The following STK32A variants were observed in gnomAD, a reference collection of about 807,000 sequenced individuals.
STK32A encodes the protein serine/threonine kinase 32A.
A neutral mutation model predicts 53.2 loss-of-function variants in STK32A; 41 were observed. That is an observed-to-expected ratio of 0.77 (90% CI 0.60 to 1.00). The LOEUF (loss-of-function observed/expected upper bound fraction) is 1.00, where lower values mean the gene tolerates loss of function less well. Among genes scored for constraint, STK32A ranks in the 50% least tolerant of loss-of-function variants. STK32A has a pLI of 0.00. For missense variants in STK32A, 458 were observed against 485.8 expected, an observed-to-expected ratio of 0.94 and a Z score of 0.54; for synonymous variants, 166 against 162.8, an observed-to-expected ratio of 1.02 and a Z score of -0.15.
At chr5:147,323,374 G>A (rs1754412162) in intron 4 of STK32A, among the ~76,000 whole-genome samples, 1 of 152,144 alleles carries the variant, frequency 6.6e-6, no homozygotes. Flanking sequence ...TCCTTGTACT[G>A]TGTGCTTAGT....
intron 2 of STK32A, among the ~76,000 whole-genome samples, chr5:147,277,271 T>G (rs1751792351): frequency 6.6e-6 from 1 of 152,190 alleles, no homozygotes; most frequent in African/African-American, 2.4e-5. Flanking sequence ...AAACATTTTC[T>G]CAGTTATCAA....
intron 4 of STK32A, among the ~76,000 whole-genome samples, chr5:147,310,222 T>C (rs17547112): frequency 0.49 from 73,979 of 151,876 alleles, 18,571 homozygotes; most frequent in Middle Eastern, 0.55. Flanking sequence ...AGGCAGTTGG[T>C]CTAGTTTGGC....
intron 5 of STK32A, among the ~76,000 whole-genome samples, chr5:147,338,356 G>A (rs995186585): frequency 3.9e-5 from 6 of 152,126 alleles, no homozygotes; most frequent in Non-Finnish European, 7.4e-5. Flanking sequence ...ATGATTGTGA[G>A]GGCTCCCCAG....
chr5:147,315,137 G>A (rs1222795641), intron 4 of STK32A, among the ~76,000 whole-genome samples: 1 of 152,110 alleles, frequency 6.6e-6, no homozygotes, highest in Non-Finnish European at 1.5e-5. Context: ...AATGTAATGT[G>A]GTACAGCCAC....
intron 6 of STK32A, among the ~76,000 whole-genome samples, chr5:147,349,080 AG>A (rs1397257253): frequency 1.3e-5 from 2 of 152,218 alleles, no homozygotes; most frequent in African/African-American, 4.8e-5. Context: ...CACTATGAGC[AG>A]GACCCATGGG....
At chr5:147,250,667 T>A (rs4705141) in intron 2 of STK32A, among the ~76,000 whole-genome samples, 118 of 151,914 alleles carry the variant, frequency 7.8e-4, no homozygotes, top group African/African-American at 2.7e-3. Flanking sequence ...ATGGGCCCAG[T>A]GCGGTGGCTC....
the STK32A span, chr5:147,399,192 T>C: frequency 7.4e-6 from 12 of 1,614,212 alleles, no homozygotes; most frequent in South Asian, 1.1e-4. Context: ...AGGTTGAAGA[T>C]CTTGGCAGCG....
At chr5:147,307,624 C>CAAAAAAAAAAAAAA (rs34762967) in intron 4 of STK32A, among the ~76,000 whole-genome samples, 1 of 75,298 alleles carries the variant, frequency 1.3e-5, no homozygotes, top group Non-Finnish European at 2.5e-5. Context: ...GACGCTGTCT[C>CAAAAAAAAAAAAAA]AAAAAAAAAA....
intron 7 of STK32A, among the ~76,000 whole-genome samples, chr5:147,352,803 C>T (rs1160629844): frequency 1.3e-5 from 2 of 152,258 alleles, no homozygotes; most frequent in East Asian, 3.9e-4. Context: ...GGGATCATAG[C>T]AGCAGGAGAC....
chr5:147,380,734 C>T (rs768508367), intron 11 of STK32A, among the ~76,000 whole-genome samples: 26 of 152,164 alleles, frequency 1.7e-4, no homozygotes, highest in Non-Finnish European at 3.2e-4. Context: ...GAAGGCTCTG[C>T]TGACTAAAAG....
intron 11 of STK32A, among the ~76,000 whole-genome samples, chr5:147,378,428 G>T (rs914973939): frequency 2.0e-5 from 3 of 152,104 alleles, no homozygotes; most frequent in Middle Eastern, 3.2e-3. Context: ...GTGTTCAAAA[G>T]GCTTGTGACA....
intron 4 of STK32A, among the ~76,000 whole-genome samples, chr5:147,300,682 A>C (rs1281445312): frequency 6.6e-6 from 1 of 152,180 alleles, no homozygotes; most frequent in Non-Finnish European, 1.5e-5. Context: ...AATCATATGC[A>C]CTTCAGTTTC....
chr5:147,302,880 G>A (rs1243822538), intron 4 of STK32A, among the ~76,000 whole-genome samples: 1 of 152,048 alleles, frequency 6.6e-6, no homozygotes, highest in Non-Finnish European at 1.5e-5. Context: ...GTTGTGGGGA[G>A]AATTCCTAAA....
chr5:147,341,878 TA>T (rs932772960), intron 5 of STK32A, among the ~76,000 whole-genome samples: 10 of 151,856 alleles, frequency 6.6e-5, no homozygotes, highest in African/African-American at 1.7e-4. Context: ...AATAGCAAAG[TA>T]AAAAAAATTC....
At chr5:147,250,833 T>C (rs1753959131) in intron 2 of STK32A, among the ~76,000 whole-genome samples, 1 of 150,722 alleles carries the variant, frequency 6.6e-6, no homozygotes, top group Admixed American at 6.6e-5. Context: ...TCCCAGCTAC[T>C]CGGGAGGCTG....
intron 10 of STK32A, 70 bp downstream of exon 10, chr5:147,373,364 ATT>A: frequency 6.3e-7 from 1 of 1,575,856 alleles, no homozygotes; most frequent in Non-Finnish European, 8.6e-7. Flanking sequence ...AGATTCACAC[ATT>A]GTCTCATTAG....
At chr5:147,235,880 AATG>A (rs1428639263) in intron 1 of STK32A, among the ~76,000 whole-genome samples, 5 of 152,326 alleles carry the variant, frequency 3.3e-5, no homozygotes, top group African/African-American at 9.6e-5. Flanking sequence ...TAAAAATAAA[AATG>A]ATGATATAAA....
chr5:147,381,642 G>GA (rs112622783), intron 11 of STK32A, among the ~76,000 whole-genome samples: 30,224 of 139,552 alleles, frequency 0.22, 3,507 homozygotes, highest in African/African-American at 0.33. Flanking sequence ...AAGTCTGTCA[G>GA]AAAAAAAAAA....
In STK32A at chr5:147,360,799, C is replaced by A. The variant is rs1385280402; in HGVS notation, c.563-718C>A. 3.3e-5 allele frequency among the ~76,000 whole-genome samples: 5 copies of A among 152,302 alleles called. No homozygotes were observed. The East Asian group carries it at 9.7e-4, about 29-fold the overall frequency. On this transcript the variant is annotated intron_variant, in intron 7 of 12. Transcript: ENST00000397936. Reference sequence around the variant, plus strand: ...GCTTCATTCTCCCTATTACATCCCTCAGGAGTTAGGTTTATTCTTAGAAGG... The same window carrying A: ...GCTTCATTCTCCCTATTACATCCCTAAGGAGTTAGGTTTATTCTTAGAAGG...
Sources: gnomAD v4.1 joint callset for allele counts (sites outside exome capture counted in the v4.1 genomes callset) on GRCh38, gnomAD v4.1.1 for gene constraint, MANE v1.5 for transcripts, NCBI Gene and HGNC (gene_info 2026-07-23, HGNC 2026-07-21) for gene names.